The following BCL11B variants were observed in gnomAD, a reference collection of about 807,000 sequenced individuals.
The protein encoded by BCL11B is BCL11 transcription factor B.
A neutral mutation model predicts 49.9 loss-of-function variants in BCL11B; 8 were observed. The ratio of observed to expected loss-of-function variants is 0.16; its 90% CI spans 0.09 to 0.29. BCL11B has a LOEUF of 0.29. BCL11B is among the 10% of genes least tolerant of loss of function. The probability of loss-of-function intolerance (pLI) is 1.00; values close to 1 mark genes in which losing one functional copy is unlikely to be tolerated. For synonymous variants in BCL11B, 739 were observed against 637.4 expected (o/e 1.16, Z -2.40); for missense variants, 1,006 against 1,351.0 (o/e 0.74, Z 4.00).
chr14:99,177,718 G>C (rs371110791), intron 3 of BCL11B, among the ~76,000 whole-genome samples: 1 of 151,776 alleles, frequency 6.6e-6, no homozygotes, highest in Admixed American at 6.6e-5. Context: ...ACGTGCAAAT[G>C]AATGACCCTT....
rs1460562716 is a variant in BCL11B at position 99,213,560 on chromosome 14, G to A, written c.640+17785C>T. 6.6e-6 allele frequency among the ~76,000 whole-genome samples: 1 copy of A among 152,110 alleles called. No individual in the cohort carries two copies. ...TAAGAAACACTCATTTTACTCCACG[G>A]GCAATGGTAAGTCCTACTACCCCAA... On this transcript the variant is annotated intron_variant, in intron 3 of 3. Coordinates refer to ENST00000357195, the MANE Select transcript of BCL11B (RefSeq NM_138576.4). The surrounding 1 kb of genome is among the most constrained non-coding windows in gnomAD (Gnocchi z 5.1).
intron 2 of BCL11B, among the ~76,000 whole-genome samples, chr14:99,253,743 G>A (rs1889075968): frequency 6.6e-6 from 1 of 152,056 alleles, no homozygotes; most frequent in Admixed American, 6.5e-5. Flanking sequence ...CGTGCTCTTT[G>A]CAAAACCTGG....
At chr14:99,185,242 G>A (rs1160085114) in intron 3 of BCL11B, among the ~76,000 whole-genome samples, 1 of 152,064 alleles carries the variant, frequency 6.6e-6, no homozygotes, top group African/African-American at 2.4e-5. Context: ...TTGGAGACCA[G>A]CCTGGCCAAC....
intron 3 of BCL11B, among the ~76,000 whole-genome samples, chr14:99,204,671 A>G (rs1887484093): frequency 6.6e-6 from 1 of 152,144 alleles, no homozygotes; most frequent in South Asian, 2.1e-4. Flanking sequence ...TGGGAGCCTA[A>G]CAAGAGTGTC....
chr14:99,208,778 G>A (rs541458291), intron 3 of BCL11B, among the ~76,000 whole-genome samples: 2 of 152,316 alleles, frequency 1.3e-5, no homozygotes, highest in South Asian at 2.1e-4. Context: ...TGGAAGAACC[G>A]CTCTAGTTCC....
chr14:99,251,049 G>A (rs767943821), intron 2 of BCL11B, among the ~76,000 whole-genome samples: 1 of 152,150 alleles, frequency 6.6e-6, no homozygotes, highest in Non-Finnish European at 1.5e-5. Context: ...GGACAGGAAG[G>A]GCTCACCCCC....
At chr14:99,199,696 G>A (rs564917343) in intron 3 of BCL11B, among the ~76,000 whole-genome samples, 14,249 of 77,484 alleles carry the variant, frequency 0.18, 951 homozygotes, top group Non-Finnish European at 0.31. Flanking sequence ...GCGCGCGCGC[G>A]CACGTGCACG....
intron 3 of BCL11B, among the ~76,000 whole-genome samples, chr14:99,208,009 C>A (rs558559768): frequency 1.3e-5 from 2 of 152,202 alleles, no homozygotes; most frequent in Non-Finnish European, 2.9e-5. Flanking sequence ...AGATGCACCA[C>A]GCCCAGCACA....
chr14:99,254,740 G>T (rs1889109034), intron 2 of BCL11B, among the ~76,000 whole-genome samples: 1 of 152,260 alleles, frequency 6.6e-6, no homozygotes, highest in Admixed American at 6.5e-5. Context: ...CGGCCCGGGG[G>T]CCAGGAGCGT....
chr14:99,235,654 C>T (rs932845748), intron 2 of BCL11B, among the ~76,000 whole-genome samples: 9 of 150,428 alleles, frequency 6.0e-5, no homozygotes, highest in Admixed American at 2.0e-4. Flanking sequence ...TCCCCCCTCT[C>T]TTTTATCTTG....
chr14:99,187,967 CG>C (rs1886905822), intron 3 of BCL11B, among the ~76,000 whole-genome samples: 1 of 152,114 alleles, frequency 6.6e-6, no homozygotes, highest in African/African-American at 2.4e-5. Context: ...AGATAATTGA[CG>C]TTATGGAGAG....
At chr14:99,183,295 T>C (rs1886762531) in intron 3 of BCL11B, among the ~76,000 whole-genome samples, 1 of 152,144 alleles carries the variant, frequency 6.6e-6, no homozygotes, top group South Asian at 2.1e-4. Context: ...CTTGGATAAG[T>C]TGCTCAAGAA....
chr14:99,224,390 C>T (rs991570127), intron 3 of BCL11B, among the ~76,000 whole-genome samples: 1 of 152,152 alleles, frequency 6.6e-6, no homozygotes, highest in Admixed American at 6.5e-5. Flanking sequence ...AGCGTTACAA[C>T]GATGAGATGT....
At chr14:99,250,315 G>A (rs1032958022) in intron 2 of BCL11B, among the ~76,000 whole-genome samples, 11 of 151,968 alleles carry the variant, frequency 7.2e-5, no homozygotes, top group Non-Finnish European at 1.2e-4. Context: ...GATTACAGGC[G>A]TGAGCCCCCG....
Position 99,205,894 on chromosome 14 carries a change from G to C in BCL11B, c.640+25451C>G, listed in dbSNP as rs1887520524. 6.6e-6 allele frequency among the ~76,000 whole-genome samples: 1 copy of C among 152,202 alleles called. No individual in the cohort carries two copies. Among genetic ancestry groups the C allele is most frequent in the Non-Finnish European group, 1.5e-5 (1 of 68,038 alleles). On this transcript the variant is annotated intron_variant, in intron 3 of 3. Coordinates refer to ENST00000357195, the MANE Select transcript of BCL11B (RefSeq NM_138576.4). This position sits in a 1 kb window ranked among gnomAD's most constrained non-coding sequence, Gnocchi z 5.0. ...TCTCTCATTGCAGAATCAAGTTGTT[G>C]AAGGAAGGTTAGCTCCAAAGAGGCA... is the stretch of plus-strand genomic sequence containing the variant.
chr14:99,203,490 C>T (rs976523558), intron 3 of BCL11B, among the ~76,000 whole-genome samples: 1 of 152,192 alleles, frequency 6.6e-6, no homozygotes, highest in Non-Finnish European at 1.5e-5. Context: ...GCACCACGTT[C>T]CATCAGTGTC....
rs527844572 is a variant in BCL11B at position 99,247,529 on chromosome 14, A to G, written c.427+9942T>C. The stretch of plus-strand genomic sequence containing the variant: ...CTCTGCCCTCAAACCCCAAGGGAGG[A>G]GCCTGGAATCCCTGGTTGGCTGGCT... On this transcript the variant is annotated intron_variant, in intron 2 of 3. Coordinates refer to ENST00000357195, the MANE Select transcript of BCL11B (RefSeq NM_138576.4). The surrounding 1 kb of genome is among the most constrained non-coding windows in gnomAD (Gnocchi z 4.5). 6.6e-6 allele frequency among the ~76,000 whole-genome samples: 1 copy of G among 152,230 alleles called. No homozygotes were observed. Among genetic ancestry groups the G allele is most frequent in the South Asian group, 2.1e-4 (1 of 4,820 alleles).
intron 3 of BCL11B, among the ~76,000 whole-genome samples, chr14:99,229,573 C>G (rs1888269029): frequency 6.6e-6 from 1 of 152,180 alleles, no homozygotes; most frequent in East Asian, 1.9e-4. Context: ...TGGTCAGCAC[C>G]ATACAAAGAT....
rs913891946 is a variant in BCL11B at position 99,194,604 on chromosome 14, C to A, written c.641-18409G>T. On this transcript the variant is annotated intron_variant, in intron 3 of 3. Coordinates refer to ENST00000357195, the MANE Select transcript of BCL11B (RefSeq NM_138576.4). This position sits in a 1 kb window ranked among gnomAD's most constrained non-coding sequence, Gnocchi z 4.6. ...GCTTAACTTCTCTGAATCTGTCCTT[C>A]GGTGTGAAAGGCCTTGTCTGCAAAA... Among the ~76,000 whole-genome samples the A allele has an allele frequency of 6.6e-6, 1 of 152,210 alleles. No homozygotes were observed. Among genetic ancestry groups the A allele is most frequent in the Non-Finnish European group, 1.5e-5 (1 of 68,036 alleles).
Sources: allele counts gnomAD v4.1 joint callset (sites outside exome capture counted in the v4.1 genomes callset), GRCh38; gene constraint gnomAD v4.1.1; non-coding constraint Gnocchi (gnomAD v3.1); transcripts MANE v1.5; gene names NCBI Gene and HGNC (gene_info 2026-07-23, HGNC 2026-07-21).